Variants in ITPR2 observed in about 807,000 individuals in gnomAD.
ITPR2 encodes inositol 1,4,5-trisphosphate receptor type 2, also known as inositol 1,4,5-trisphosphate-gated calcium channel ITPR2.
ITPR2 carries 207 observed loss-of-function variants against 317.1 expected under a neutral mutation model. The ratio of observed to expected loss-of-function variants is 0.65; its 90% CI spans 0.58 to 0.73. ITPR2 has a LOEUF of 0.73. Among genes scored for constraint, ITPR2 ranks in the 30% least tolerant of loss-of-function variants. The pLI, the probability that ITPR2 is intolerant of heterozygous loss-of-function variation, is 0.00. For synonymous variants in ITPR2, 1,156 were observed against 1,149.1 expected, an observed-to-expected ratio of 1.01 and a Z score of -0.12; for missense variants, 2,613 against 3,284.0, an observed-to-expected ratio of 0.80 and a Z score of 4.99.
At chr12:26,544,889 G>GTGAA (rs1944355196) in intron 37 of ITPR2, among the ~76,000 whole-genome samples, 1 of 152,052 alleles carries the variant, frequency 6.6e-6, no homozygotes, top group Non-Finnish European at 1.5e-5. Context: ...ACTTTTCTGA[G>GTGAA]TCTCTCTTTT....
Position 26,483,905 on chromosome 12 carries a change from G to C in ITPR2, c.5812-7C>G. 1 of 1,611,836 alleles carries C rather than the reference G, an allele frequency of 6.2e-7. No individual in the cohort carries two copies. The stretch of plus-strand genomic sequence containing the variant: ...TTTGATTCCTCAAGAAGTTCTGAAG[G>C]CAAAAGAAAATAAAATTGAAGGGTT... On this transcript the variant is annotated splice_polypyrimidine_tract_variant and splice_region_variant and intron_variant, in intron 41 of 56. Coordinates refer to ENST00000381340, the MANE Select transcript of ITPR2 (RefSeq NM_002223.4).
chr12:26,586,899 A>C (rs888506284), intron 32 of ITPR2, among the ~76,000 whole-genome samples: 2 of 152,146 alleles, frequency 1.3e-5, no homozygotes, highest in Non-Finnish European at 2.9e-5. Flanking sequence ...TTGTCATAAT[A>C]GTGGCAATAG....
At chr12:26,576,259 A>G (rs560876801) in intron 34 of ITPR2, among the ~76,000 whole-genome samples, 10 of 151,226 alleles carry the variant, frequency 6.6e-5, no homozygotes, top group Admixed American at 6.6e-4. Flanking sequence ...GAAGAAGAAA[A>G]CCAGATCCAC....
intron 22 of ITPR2, chr12:26,630,781 T>A (rs957084019): frequency 1.3e-5 from 2 of 152,094 alleles, no homozygotes; most frequent in African/African-American, 4.8e-5. Context: ...TAAAATGAGG[T>A]CACGTATTTT....
rs1305436442 is a variant in ITPR2 at position 26,725,678 on chromosome 12, G to T, written c.251C>A (p.Thr84Asn). The change falls in exon 3 of 57, where the codon ACC (threonine) becomes AAC (asparagine). Residue 84 changes from threonine (T) to asparagine (N), a missense_variant. Thr to Asn is a moderately conservative substitution (Grantham distance 65). Around this residue, in one of 9 missense-constraint regions of ITPR2, gnomAD observed 515 missense variants for 789.4 expected, o/e 0.65. Transcript: ENST00000381340. ...TAGTTTCTTCAGCAAGGCTGCCTCG[G>T]TGTGGTTCCCTTGTTTGGCTTGCTT... ...KAKQAKQGNH[T>N]EAALLKKLQH... The T allele has an allele frequency of 6.2e-7, 1 of 1,613,090 alleles. No homozygotes were observed. Among genetic ancestry groups the T allele is most frequent in the Admixed American group, 1.7e-5 (1 of 59,924 alleles).
At chr12:26,653,595 C>G (rs1436152503) in intron 21 of ITPR2, among the ~76,000 whole-genome samples, 2 of 152,166 alleles carry the variant, frequency 1.3e-5, no homozygotes, top group African/African-American at 4.8e-5. Flanking sequence ...TCTATTCTCT[C>G]TTTGACACCT....
intron 26 of ITPR2, among the ~76,000 whole-genome samples, chr12:26,617,505 T>C (rs751453672): frequency 2.0e-5 from 3 of 151,822 alleles, no homozygotes; most frequent in Non-Finnish European, 4.4e-5. Flanking sequence ...ATCCTTCTAA[T>C]GTTACACAAA....
intron 11 of ITPR2, among the ~76,000 whole-genome samples, chr12:26,685,233 A>T (rs979816290): frequency 1.3e-5 from 2 of 152,184 alleles, no homozygotes; most frequent in Non-Finnish European, 2.9e-5. Flanking sequence ...TCCTCGATGC[A>T]TCTAGAGAGT....
At chr12:26,798,837 C>T (rs1950503299) in intron 1 of ITPR2, among the ~76,000 whole-genome samples, 1 of 152,110 alleles carries the variant, frequency 6.6e-6, no homozygotes. Flanking sequence ...AAACTTTCTG[C>T]CAAAATGTTT....
chr12:26,576,656 C>T (rs1046959115), intron 34 of ITPR2, among the ~76,000 whole-genome samples: 1 of 152,042 alleles, frequency 6.6e-6, no homozygotes, highest in African/African-American at 2.4e-5. Flanking sequence ...GGTGTCCATG[C>T]GAGGAGCAGC....
chr12:26,629,781 C>G (rs1185261405), intron 22 of ITPR2, among the ~76,000 whole-genome samples: 2 of 151,936 alleles, frequency 1.3e-5, no homozygotes, highest in East Asian at 1.9e-4. Context: ...ACCCACCCAG[C>G]CTTTGCTAGA....
At chr12:26,425,140 C>T (rs1941018812) in intron 49 of ITPR2, among the ~76,000 whole-genome samples, 1 of 151,874 alleles carries the variant, frequency 6.6e-6, no homozygotes, top group African/African-American at 2.4e-5. Context: ...GATGAGGTCT[C>T]ACTATGTTGA....
At chr12:26,596,300 G>C (rs1342721264) in intron 31 of ITPR2, among the ~76,000 whole-genome samples, 4 of 152,186 alleles carry the variant, frequency 2.6e-5, no homozygotes, top group Non-Finnish European at 5.9e-5. Context: ...GTTTAGAATT[G>C]AAGAGAGCTG....
At chr12:26,803,704 G>T (rs536157617) in intron 1 of ITPR2, among the ~76,000 whole-genome samples, 1 of 152,260 alleles carries the variant, frequency 6.6e-6, no homozygotes, top group African/African-American at 2.4e-5. Flanking sequence ...TCGTTCTGTA[G>T]CCTAAGGACC....
chr12:26,489,814 G>A (rs1177205055), intron 39 of ITPR2, among the ~76,000 whole-genome samples: 3 of 152,188 alleles, frequency 2.0e-5, no homozygotes, highest in African/African-American at 7.2e-5. Flanking sequence ...AGAAGCAGGG[G>A]TGTTAAGAAT....
At chr12:26,702,793 G>A (rs1948473172) in intron 9 of ITPR2, among the ~76,000 whole-genome samples, 2 of 152,128 alleles carry the variant, frequency 1.3e-5, no homozygotes, top group South Asian at 4.1e-4. Flanking sequence ...CATTGAATAA[G>A]GGACCATTTC....
At chr12:26,736,400 A>T (rs1429811441) in intron 2 of ITPR2, among the ~76,000 whole-genome samples, 2 of 152,186 alleles carry the variant, frequency 1.3e-5, no homozygotes, top group African/African-American at 4.8e-5. Flanking sequence ...GATTTTTTTT[A>T]AATCCAAACA....
intron 9 of ITPR2, among the ~76,000 whole-genome samples, chr12:26,709,935 C>T (rs1325785265): frequency 2.0e-5 from 3 of 152,096 alleles, no homozygotes; most frequent in East Asian, 3.8e-4. Context: ...TAAAAATAAT[C>T]CCTGTTTATC....
chr12:26,822,592 G>A (rs1565790224), intron 1 of ITPR2, among the ~76,000 whole-genome samples: 1 of 152,160 alleles, frequency 6.6e-6, no homozygotes, highest in South Asian at 2.1e-4. Context: ...TTAAGTTCAT[G>A]ATTCATGAAG....
Sources: allele counts gnomAD v4.1 joint callset (sites outside exome capture counted in the v4.1 genomes callset), GRCh38; gene constraint gnomAD v4.1.1; regional missense constraint gnomAD v4.1.1; transcripts MANE v1.5; gene names NCBI Gene and HGNC (gene_info 2026-07-23, HGNC 2026-07-21).